DGKD: variants seen among roughly 807,000 people sequenced by gnomAD.
DGKD encodes DAG kinase delta.
A neutral mutation model predicts 154.4 loss-of-function variants in DGKD; 68 were observed. That is an observed-to-expected ratio of 0.44 (90% confidence interval 0.36 to 0.54). The LOEUF is 0.54. DGKD is among the 20% of genes least tolerant of loss of function. The pLI, the probability that DGKD is intolerant of heterozygous loss-of-function variation, is 0.00. For missense variants in DGKD, 1,343 were observed against 1,593.6 expected (o/e 0.84, Z 2.68); for synonymous variants, 693 against 638.0 (o/e 1.09, Z -1.30).
At chr2:233,384,157 TCTGGC>T (rs1418554272) in intron 1 of DGKD, among the ~76,000 whole-genome samples, 1 of 152,166 alleles carries the variant, frequency 6.6e-6, no homozygotes, top group African/African-American at 2.4e-5. Flanking sequence ...GGTGATTTGA[TCTGGC>T]TTCGACCCCA....
intron 3 of DGKD, among the ~76,000 whole-genome samples, chr2:233,409,579 G>A (rs760323631): frequency 1.1e-4 from 16 of 151,088 alleles, no homozygotes; most frequent in Admixed American, 4.6e-4. Context: ...AAAATCCCAC[G>A]TTCCCGTCCC....
At chr2:233,391,412 C>T (rs1287308829) in intron 3 of DGKD, among the ~76,000 whole-genome samples, 1 of 94,984 alleles carries the variant, frequency 1.1e-5, no homozygotes, top group Non-Finnish European at 2.1e-5. Flanking sequence ...GTGTTTTTTT[C>T]CCCCCCCAGG....
chr2:233,469,137 T>C (rs1396604704), intron 29 of DGKD, among the ~76,000 whole-genome samples: 3 of 152,270 alleles, frequency 2.0e-5, no homozygotes, highest in Non-Finnish European at 4.4e-5. Flanking sequence ...GTTTTGTCTT[T>C]GTCTTGGATT....
chr2:233,463,060 T>A (rs115636882), intron 26 of DGKD, among the ~76,000 whole-genome samples: 99 of 152,282 alleles, frequency 6.5e-4, no homozygotes, highest in African/African-American at 2.4e-3. Context: ...GCACCTTCCA[T>A]GCTCAGCCCT....
intron 1 of DGKD, among the ~76,000 whole-genome samples, chr2:233,383,904 C>G (rs998072539): frequency 2.0e-5 from 3 of 152,148 alleles, no homozygotes; most frequent in African/African-American, 7.2e-5. Flanking sequence ...GGGAAGCATT[C>G]TAAATGTTCC....
In DGKD at chr2:233,449,885, C is replaced by G. The variant is rs1486859820; in HGVS notation, c.1889-97C>G. 1 of 1,401,528 alleles carries G rather than the reference C, an allele frequency of 7.1e-7. No individual in the cohort carries two copies. 86.8% of individuals were successfully genotyped at this position (1,401,528 alleles called of 1,614,324 possible). A position where few individuals can be genotyped will look rare whatever the true frequency, so the allele number is the denominator to read the frequency against. ...TAGCCAGAGGTTGTTTGAGGAAGAT[C>G]AGGCCGTGGGGTGAGGATGAGGGGC... On this transcript the variant is annotated intron_variant, in intron 15 of 29. Coordinates refer to ENST00000264057, the MANE Select transcript of DGKD (RefSeq NM_152879.3). This position sits in a 1 kb window ranked among gnomAD's most constrained non-coding sequence, Gnocchi z 5.3.
chr2:233,459,045 T>G lies in DGKD; in HGVS notation c.2694+648T>G, dbSNP rs2063543803. On this transcript the variant is annotated intron_variant, in intron 22 of 29. Transcript: ENST00000264057. This position sits in a 1 kb window ranked among gnomAD's most constrained non-coding sequence, Gnocchi z 5.7. ...GGGGACGGAGCCCATGGCTCTGATG[T>G]GGGGTGTGGGAGGATTTCCAGCTGG... Among the ~76,000 whole-genome samples, 1 of 152,106 alleles carries G rather than the reference T, an allele frequency of 6.6e-6. No homozygotes were observed. The highest frequency in any genetic ancestry group is 6.5e-5 in the Admixed American group (1 of 15,270).
intron 1 of DGKD, among the ~76,000 whole-genome samples, chr2:233,357,357 G>A (rs1368121551): frequency 6.6e-6 from 1 of 152,112 alleles, no homozygotes; most frequent in Non-Finnish European, 1.5e-5. Context: ...TATTAGTCTA[G>A]TGCAAGTCAG....
At position 233,470,812 on chromosome 2, in the gene DGKD, TCCCAAAGAGAAGGACAG is replaced by T. The variant is rs2063988394; in HGVS notation, c.*1353_*1369del. The T allele has an allele frequency of 6.6e-6, 1 of 152,326 alleles. No individual in the cohort carries two copies. Among genetic ancestry groups the T allele is most frequent in the East Asian group, 1.9e-4 (1 of 5,332 alleles). The allele number at this position is 152,326 out of a possible 1,614,324, so 9.4% of individuals were successfully genotyped here. On this transcript the variant is annotated 3_prime_UTR_variant, in exon 30 of 30. Transcript: ENST00000264057. ...TGCCTGGCCGTGGCTTCTCTTTGGC[TCCCAAAGAGAAGGACAG>T]TGTTGGGAGTATCTGCCGTGGCTTC...
intron 3 of DGKD, among the ~76,000 whole-genome samples, chr2:233,429,787 C>T (rs1453051730): frequency 4.6e-5 from 7 of 152,260 alleles, no homozygotes; most frequent in African/African-American, 1.7e-4. Flanking sequence ...CCTTCGCCCT[C>T]ACTCTCTCCC....
At chr2:233,419,467 G>C in intron 3 of DGKD, 1 of 984,308 alleles carries the variant, frequency 1.0e-6, no homozygotes, top group Non-Finnish European at 1.2e-6. Context: ...GGAGGCTGTT[G>C]GGTGGTGAGT....
rs755096457 is a variant in DGKD, at chr2:233,452,111, G to A, written c.2264+51G>A. On this transcript the variant is annotated intron_variant, in intron 18 of 29. Transcript: ENST00000264057. This position sits in a 1 kb window ranked among gnomAD's most constrained non-coding sequence, Gnocchi z 4.0. Reference sequence around the variant, plus strand: ...GGCATATTGTTACATGGCTGCTAGTGCATAGAAAACAGATCTCAGGATTAA... The same window carrying A: ...GGCATATTGTTACATGGCTGCTAGTACATAGAAAACAGATCTCAGGATTAA... The A allele has an allele frequency of 4.6e-6, 7 of 1,516,394 alleles. No homozygotes were observed. In the South Asian group the frequency reaches 7.9e-5, roughly 17 times the overall value. 93.9% of individuals were successfully genotyped at this position (1,516,394 alleles called of 1,614,324 possible).
intron 1 of DGKD, among the ~76,000 whole-genome samples, chr2:233,384,300 G>C (rs940878798): frequency 6.6e-6 from 1 of 152,076 alleles, no homozygotes; most frequent in Non-Finnish European, 1.5e-5. Flanking sequence ...TCTTCTCGAC[G>C]TGCTCTCTGC....
At chr2:233,405,653 C>T (rs1169573792) in intron 3 of DGKD, among the ~76,000 whole-genome samples, 1 of 152,208 alleles carries the variant, frequency 6.6e-6, no homozygotes, top group Non-Finnish European at 1.5e-5. Context: ...CTTGTTCTCA[C>T]TGTCACCTTT....
In DGKD at chr2:233,467,182, C is replaced by G. The variant is rs2063849045; in HGVS notation, c.3403C>G (p.His1135Asp). The change falls in exon 28 of 30, where the codon CAC (histidine) becomes GAC (aspartate). Residue 1135 changes from histidine (H) to aspartate (D), a missense_variant. His to Asp is a moderately conservative substitution (Grantham distance 81). Coordinates refer to ENST00000264057, the MANE Select transcript of DGKD (RefSeq NM_152879.3). ...KEKNNKNKEA[H>D]SSLGAPVHLW... ...GAAAAACAACAAGAACAAAGAAGCT[C>G]ACAGTAGCCTGGGAGCCCCGGGTAC... The G allele has an allele frequency of 6.2e-7, 1 of 1,613,962 alleles. No individual in the cohort carries two copies. The highest frequency in any genetic ancestry group is 1.3e-5 in the African/African-American group (1 of 74,948).
chr2:233,438,812 A>C lies in DGKD; in HGVS notation c.1085+433A>C, dbSNP rs183387561. On this transcript the variant is annotated intron_variant, in intron 9 of 29. Transcript: ENST00000264057. The surrounding 1 kb of genome is among the most constrained non-coding windows in gnomAD (Gnocchi z 4.1). ...TATCTATCTATCTATCTATCTATCT[A>C]TCTGTGGGTGTATTTTCCTGGCGTG... Among the ~76,000 whole-genome samples, 1 of 136,830 alleles carries C rather than the reference A, an allele frequency of 7.3e-6. No homozygotes were observed. The highest frequency in any genetic ancestry group is 2.2e-4 in the East Asian group (1 of 4,574). The allele number at this position is 136,830 out of a possible 152,430, so 89.8% of individuals were successfully genotyped here. A position where few individuals can be genotyped will look rare whatever the true frequency, so the allele number is the denominator to read the frequency against.
At chr2:233,467,807 C>T (rs931586218) in intron 28 of DGKD, among the ~76,000 whole-genome samples, 1 of 152,208 alleles carries the variant, frequency 6.6e-6, no homozygotes, top group Non-Finnish European at 1.5e-5. Context: ...TGTTTGCCGC[C>T]AGTCAGGGCA....
chr2:233,450,017 G>A lies in DGKD; in HGVS notation c.1924G>A (p.Glu642Lys), dbSNP rs113054195. ...DEQNAQTQEQ[E>K]GFVLGLSESE... ...GCAGAATGCCCAGACCCAGGAGCAG[G>A]AGGGCTTCGTCCTGGGCCTCTCTGA... is the stretch of plus-strand genomic sequence containing the variant. Residue 642 changes from glutamate (E) to lysine (K), a missense_variant, in exon 16 of 30, where the codon GAG becomes AAG. Glu to Lys is a moderately conservative substitution (Grantham distance 56). Transcript: ENST00000264057. 11 of 1,612,784 alleles carry A rather than the reference G, an allele frequency of 6.8e-6. No homozygotes were observed. Among genetic ancestry groups the A allele is most frequent in the Non-Finnish European group, 8.5e-6 (10 of 1,179,204 alleles).
chr2:233,388,662 A>G (rs577970140), intron 2 of DGKD: 1 of 247,114 alleles, frequency 4.0e-6, no homozygotes, highest in Admixed American at 5.4e-5. Context: ...TCTCTCAGAA[A>G]GGCGGAGGGA....
Sources: gnomAD v4.1 joint callset for allele counts (sites outside exome capture counted in the v4.1 genomes callset) on GRCh38, gnomAD v4.1.1 for gene constraint, Gnocchi (gnomAD v3.1) non-coding constraint, MANE v1.5 for transcripts, NCBI Gene and HGNC (gene_info 2026-07-23, HGNC 2026-07-21) for gene names.